CASC3: variants seen among roughly 807,000 people sequenced by gnomAD.
The protein encoded by CASC3 is CASC3 exon junction complex subunit.
Under a neutral mutation model 80.5 loss-of-function variants are expected in CASC3, and 30 were observed. The observed-to-expected ratio is 0.37, with a 90% CI of 0.28 to 0.51. CASC3 has a LOEUF of 0.51. CASC3 is among the 20% of genes least tolerant of loss of function. The pLI is 0.94. For missense variants in CASC3, 824 were observed against 922.2 expected (o/e 0.89, Z 1.38); for synonymous variants, 312 against 333.6 (o/e 0.94, Z 0.70).
chr17:40,154,774 A>T lies in CASC3; in HGVS notation c.298-6979A>T, dbSNP rs928582559. 7.9e-5 allele frequency among the ~76,000 whole-genome samples: 12 copies of T among 152,170 alleles called. 1 individual carries two copies. Among genetic ancestry groups the T allele is most frequent in the Non-Finnish European group, 1.8e-4 (12 of 68,038 alleles). On this transcript the variant is annotated intron_variant, in intron 3 of 13. Coordinates refer to ENST00000264645, the MANE Select transcript of CASC3 (RefSeq NM_007359.5). ...AGAGTCATTTGCCAAACTGAGAGTC[A>T]TGAGTATTTACTCCTGTGTTTTCTT... is the stretch of plus-strand genomic sequence containing the variant.
At chr17:40,147,261 G>A (rs1018650272) in intron 3 of CASC3, among the ~76,000 whole-genome samples, 9 of 152,204 alleles carry the variant, frequency 5.9e-5, no homozygotes, top group African/African-American at 1.9e-4. Flanking sequence ...ATACTTGTTG[G>A]AATGGCAAGA....
Position 40,171,432 on chromosome 17 carries a change from A to G in CASC3, c.*1027A>G. ...TGCTGTGGACCAATGCATCTCTTTA[A>G]AGGCAAATATTATCCAGCAAGCAGT... is the stretch of plus-strand genomic sequence containing the variant. On this transcript the variant is annotated 3_prime_UTR_variant, in exon 14 of 14. Transcript: ENST00000264645. 3.0e-6 allele frequency: 3 copies of G among 986,158 alleles called. No individual in the cohort carries two copies. The highest frequency in any genetic ancestry group is 9.4e-5 in the South Asian group (2 of 21,288). The allele number at this position is 986,158 out of a possible 1,614,324, so 61.1% of individuals were successfully genotyped here. A position where few individuals can be genotyped will look rare whatever the true frequency, so the allele number is the denominator to read the frequency against.
chr17:40,168,615 T>C (rs1030966237), intron 11 of CASC3, 198 bp downstream of exon 11: 2 of 572,866 alleles, frequency 3.5e-6, no homozygotes, highest in Middle Eastern at 4.8e-4. Flanking sequence ...TTCTTTTCAG[T>C]TTTTTTCTCC....
intron 10 of CASC3, 113 bp downstream of exon 10, chr17:40,168,061 C>A: frequency 7.6e-7 from 1 of 1,323,434 alleles, no homozygotes; most frequent in East Asian, 2.3e-5. Flanking sequence ...TCTGGCCATC[C>A]TGGCTGCTTG....
intron 10 of CASC3, 36 bp from the exon 11 acceptor site, chr17:40,168,167 A>G: frequency 6.4e-7 from 1 of 1,567,078 alleles, no homozygotes; most frequent in Non-Finnish European, 8.8e-7. Flanking sequence ...AAATGATGTT[A>G]CTTTATTTTT....
At chr17:40,154,386 G>T (rs887730718) in intron 3 of CASC3, among the ~76,000 whole-genome samples, 3 of 151,534 alleles carry the variant, frequency 2.0e-5, no homozygotes, top group African/African-American at 7.3e-5. Flanking sequence ...GGTGTGCGCT[G>T]CCATGCCCGG....
chr17:40,154,300 C>T (rs921566160), intron 3 of CASC3, among the ~76,000 whole-genome samples: 1 of 152,052 alleles, frequency 6.6e-6, no homozygotes, highest in Non-Finnish European at 1.5e-5. Flanking sequence ...GTCTTCCCAC[C>T]TCAGCCTCCT....
chr17:40,150,064 T>C (rs1988961068), intron 3 of CASC3, among the ~76,000 whole-genome samples: 3 of 151,940 alleles, frequency 2.0e-5, no homozygotes. Flanking sequence ...CGTTCCTTTC[T>C]GTGTTTTGTT....
intron 3 of CASC3, among the ~76,000 whole-genome samples, chr17:40,150,376 CAAA>C (rs201741512): frequency 0.016 from 2,385 of 151,202 alleles, 31 homozygotes; most frequent in Non-Finnish European, 0.024. Flanking sequence ...TCGAAAAAAA[CAAA>C]AGAATGACAT....
chr17:40,141,554 TTC>T lies in CASC3; in HGVS notation c.260-14_260-13del. On this transcript the variant is annotated splice_polypyrimidine_tract_variant and intron_variant, in intron 2 of 13. Coordinates refer to ENST00000264645, the MANE Select transcript of CASC3 (RefSeq NM_007359.5). ...TCTGGGTTTCTTTTTTTCCACATAT[TTC>T]TGTTTTATTTCAGCTGTTCTCTCGG... 6.2e-7 allele frequency: 1 copy of T among 1,612,410 alleles called. No homozygotes were observed. Among genetic ancestry groups the T allele is most frequent in the Non-Finnish European group, 8.5e-7 (1 of 1,178,980 alleles).
intron 2 of CASC3, 102 bp downstream of exon 2, chr17:40,141,336 AG>A: frequency 8.7e-7 from 1 of 1,150,938 alleles, no homozygotes. Flanking sequence ...TCACGGATTT[AG>A]GGCCACAGAG....
chr17:40,149,594 T>C (rs564718182), intron 3 of CASC3, among the ~76,000 whole-genome samples: 1 of 152,232 alleles, frequency 6.6e-6, no homozygotes, highest in African/African-American at 2.4e-5. Flanking sequence ...GATAATGATA[T>C]TGAGTACTGG....
At chr17:40,157,367 A>AATT (rs1567680555) in intron 3 of CASC3, among the ~76,000 whole-genome samples, 45 of 147,872 alleles carry the variant, frequency 3.0e-4, no homozygotes, top group Non-Finnish European at 3.7e-4. Context: ...ATAAATAAAT[A>AATT]AATTAATTAA....
intron 9 of CASC3, 102 bp from the exon 10 acceptor site, chr17:40,167,748 G>A (rs143243566): frequency 2.0e-5 from 26 of 1,296,332 alleles, no homozygotes; most frequent in Non-Finnish European, 2.7e-5. Flanking sequence ...TGTTTTCTTC[G>A]CATGGAATAT....
At chr17:40,147,968 T>C (rs1407769841) in intron 3 of CASC3, among the ~76,000 whole-genome samples, 9 of 152,218 alleles carry the variant, frequency 5.9e-5, no homozygotes, top group Non-Finnish European at 1.2e-4. Flanking sequence ...AATTTTGATA[T>C]GATATGCGGA....
chr17:40,159,035 A>G (rs1294703202), intron 3 of CASC3, among the ~76,000 whole-genome samples: 1 of 152,120 alleles, frequency 6.6e-6, no homozygotes, highest in Non-Finnish European at 1.5e-5. Context: ...CAGAAGTTTC[A>G]GACCAGCCTG....
chr17:40,163,794 G>C lies in CASC3; in HGVS notation c.1099G>C (p.Asp367His), dbSNP rs1367458925. The C allele has an allele frequency of 6.2e-7, 1 of 1,614,182 alleles. No individual in the cohort carries two copies. The highest frequency in any genetic ancestry group is 1.1e-5 in the South Asian group (1 of 91,080). The change falls in exon 7 of 14, where the codon GAT (aspartate) becomes CAT (histidine). Residue 367 changes from aspartate (D) to histidine (H), a missense_variant. Coordinates refer to ENST00000264645, the MANE Select transcript of CASC3 (RefSeq NM_007359.5). ...TSVRDPSPEADAPVLGSPEKE... is the reference protein window; with the variant it reads ...TSVRDPSPEAHAPVLGSPEKE... ...TGTGAGGGATCCATCTCCAGAAGCA[G>C]ATGCTCCAGTGCTTGGCAGTCCTGA...
At chr17:40,146,177 G>A (rs1988855722) in intron 3 of CASC3, among the ~76,000 whole-genome samples, 1 of 152,152 alleles carries the variant, frequency 6.6e-6, no homozygotes, top group Non-Finnish European at 1.5e-5. Context: ...GAAAGCTATT[G>A]TAGGAATCTA....
chr17:40,163,367 T>C (rs1989355873), intron 6 of CASC3, 114 bp from the exon 7 acceptor site: 1 of 825,046 alleles, frequency 1.2e-6, no homozygotes, highest in Non-Finnish European at 1.9e-6. Flanking sequence ...ACTCCTGGCC[T>C]CAAGTGATCT....
Sources: allele counts gnomAD v4.1 joint callset (sites outside exome capture counted in the v4.1 genomes callset), GRCh38; gene constraint gnomAD v4.1.1; transcripts MANE v1.5; gene names NCBI Gene and HGNC (gene_info 2026-07-23, HGNC 2026-07-21).